CEP135: variants seen among roughly 807,000 people sequenced by gnomAD.
The protein encoded by CEP135 is centrosomal protein 135, also known as centrosomal protein of 135 kDa.
A neutral mutation model predicts 157.3 loss-of-function variants in CEP135; 142 were observed. That is an observed-to-expected ratio of 0.90 (90% CI 0.79 to 1.04). The LOEUF (loss-of-function observed/expected upper bound fraction) is 1.04, where lower values mean the gene tolerates loss of function less well. Ranked by LOEUF, CEP135 falls within the 50% of genes least tolerant of loss-of-function variation. CEP135 has a pLI of 0.00. For missense variants in CEP135, 1,317 were observed against 1,309.2 expected (o/e 1.01, Z -0.09); for synonymous variants, 396 against 439.8 (o/e 0.90, Z 1.25).
At chr4:55,975,959 A>T (rs1382304414) in intron 11 of CEP135, among the ~76,000 whole-genome samples, 1 of 152,170 alleles carries the variant, frequency 6.6e-6, no homozygotes, top group African/African-American at 2.4e-5. Context: ...TATGTTATCT[A>T]TTATAAGAAT....
At chr4:56,000,002 C>A (rs2109714302) in intron 17 of CEP135, among the ~76,000 whole-genome samples, 1 of 152,038 alleles carries the variant, frequency 6.6e-6, no homozygotes, top group African/African-American at 2.4e-5. Flanking sequence ...CAAGCCTGGG[C>A]CACGTGGTGA....
chr4:56,017,281 A>G (rs1186132858), intron 21 of CEP135, among the ~76,000 whole-genome samples: 4 of 152,140 alleles, frequency 2.6e-5, no homozygotes, highest in African/African-American at 9.7e-5. Flanking sequence ...ATATGTATAT[A>G]TATTACTTTT....
chr4:56,006,099 C>T (rs1730338489), intron 17 of CEP135, among the ~76,000 whole-genome samples: 1 of 152,074 alleles, frequency 6.6e-6, no homozygotes, highest in African/African-American at 2.4e-5. Context: ...GTTCTCTGAC[C>T]TTCGTACACC....
intron 8 of CEP135, among the ~76,000 whole-genome samples, chr4:55,967,022 A>G (rs1728863981): frequency 1.3e-5 from 2 of 152,050 alleles, no homozygotes; most frequent in South Asian, 4.1e-4. Flanking sequence ...TATTTCAACT[A>G]GTTTTATGCT....
At chr4:55,968,379 T>G (rs1728910423) in intron 8 of CEP135, among the ~76,000 whole-genome samples, 1 of 151,762 alleles carries the variant, frequency 6.6e-6, no homozygotes, top group South Asian at 2.1e-4. Flanking sequence ...GTGGTGTTTT[T>G]TTTTTTTTTT....
At position 55,971,515 on chromosome 4, in the gene CEP135, G is replaced by T. The variant is rs189415989; in HGVS notation, c.1249+107G>T. The T allele has an allele frequency of 5.6e-5, 62 of 1,110,874 alleles. No homozygotes were observed. The African/African-American group carries it at 9.6e-4, about 17-fold the overall frequency. The allele number at this position is 1,110,874 out of a possible 1,614,324, so 68.8% of individuals were successfully genotyped here. ...TTCATTCATTCAATAAATATTTGTTGAGTGCTTACCATTAGTCAAAAACCA... is the reference window on the plus strand; with the variant it reads ...TTCATTCATTCAATAAATATTTGTTTAGTGCTTACCATTAGTCAAAAACCA... On this transcript the variant is annotated intron_variant, in intron 10 of 25. Transcript: ENST00000257287.
At chr4:56,004,367 A>G (rs1730279761) in intron 17 of CEP135, among the ~76,000 whole-genome samples, 1 of 152,242 alleles carries the variant, frequency 6.6e-6, no homozygotes, top group South Asian at 2.1e-4. Flanking sequence ...TGCTGATAAA[A>G]GGAATTTATT....
At chr4:55,954,827 G>C (rs1213277419) in intron 4 of CEP135, among the ~76,000 whole-genome samples, 1 of 152,186 alleles carries the variant, frequency 6.6e-6, no homozygotes, top group African/African-American at 2.4e-5. Context: ...GCTCACACCT[G>C]TAATCCCACC....
intron 21 of CEP135, among the ~76,000 whole-genome samples, 173 bp from the exon 22 acceptor site, chr4:56,017,475 T>G (rs904267915): frequency 3.9e-5 from 6 of 152,228 alleles, no homozygotes; most frequent in Admixed American, 6.5e-5. Flanking sequence ...TTCATTTTGT[T>G]AAGCATTAAA....
chr4:55,965,972 G>A, intron 8 of CEP135, 113 bp downstream of exon 8: 1 of 904,868 alleles, frequency 1.1e-6, no homozygotes, highest in East Asian at 2.7e-5. Context: ...TTGTGTGTCT[G>A]TTTTTGTTTT....
At chr4:55,992,900 T>C (rs1371567924) in intron 15 of CEP135, among the ~76,000 whole-genome samples, 1 of 152,014 alleles carries the variant, frequency 6.6e-6, no homozygotes, top group Admixed American at 6.6e-5. Flanking sequence ...CTGCAATAAG[T>C]AACAAGATAA....
chr4:55,968,374 GTTTT>G (rs34188517), intron 8 of CEP135, among the ~76,000 whole-genome samples: 1 of 130,656 alleles, frequency 7.7e-6, no homozygotes. Flanking sequence ...TCCCAGTGGT[GTTTT>G]TTTTTTTTTT....
chr4:56,008,951 G>A (rs1490925526), intron 18 of CEP135, among the ~76,000 whole-genome samples: 18 of 152,212 alleles, frequency 1.2e-4, no homozygotes, highest in Admixed American at 1.2e-3. Flanking sequence ...AGGCTGGAGT[G>A]TAGTGGCGAG....
intron 13 of CEP135, among the ~76,000 whole-genome samples, chr4:55,982,444 C>T (rs1485061501): frequency 2.6e-5 from 4 of 152,170 alleles, no homozygotes; most frequent in African/African-American, 9.7e-5. Context: ...TTGGTACTAT[C>T]TGCCTTTTGT....
intron 13 of CEP135, 135 bp from the exon 14 acceptor site, chr4:55,985,146 T>C: frequency 4.3e-6 from 2 of 463,044 alleles, no homozygotes; most frequent in Non-Finnish European, 4.0e-6. Flanking sequence ...CTAATGATTT[T>C]CTTTCTAAAA....
At chr4:55,992,390 CA>C (rs1270919130) in intron 15 of CEP135, among the ~76,000 whole-genome samples, 1 of 152,202 alleles carries the variant, frequency 6.6e-6, no homozygotes, top group Non-Finnish European at 1.5e-5. Context: ...TTAAATACTT[CA>C]GATCATTTGT....
chr4:56,011,703 A>G (rs1443558660), intron 20 of CEP135, 97 bp from the exon 21 acceptor site: 2 of 1,099,672 alleles, frequency 1.8e-6, no homozygotes, highest in East Asian at 5.1e-5. Flanking sequence ...TTCCTAAATT[A>G]GAACAGAATG....
chr4:56,021,321 A>T (rs1240371116), intron 24 of CEP135, among the ~76,000 whole-genome samples: 2 of 152,232 alleles, frequency 1.3e-5, no homozygotes, highest in East Asian at 3.8e-4. Flanking sequence ...GGAAACTGAG[A>T]TCACATAAAT....
chr4:56,006,307 A>C (rs551251582), intron 17 of CEP135, among the ~76,000 whole-genome samples: 32 of 152,246 alleles, frequency 2.1e-4, no homozygotes, highest in African/African-American at 7.7e-4. Context: ...GCGTAATTTC[A>C]AATAGCTTGT....
Sources: allele counts gnomAD v4.1 joint callset (sites outside exome capture counted in the v4.1 genomes callset), GRCh38; gene constraint gnomAD v4.1.1; transcripts MANE v1.5; gene names NCBI Gene and HGNC (gene_info 2026-07-23, HGNC 2026-07-21).